The following SPDEF variants were observed in gnomAD, a reference collection of about 807,000 sequenced individuals.
SPDEF encodes SAM pointed domain containing ETS transcription factor.
In SPDEF, 12 loss-of-function variants were observed where a neutral mutation model predicts 36.0. That is an observed-to-expected ratio of 0.33 (90% CI 0.21 to 0.54). The LOEUF (loss-of-function observed/expected upper bound fraction) is 0.54. SPDEF is among the 20% of genes least tolerant of loss of function. SPDEF has a pLI of 0.93. For missense variants in SPDEF, 388 were observed against 456.9 expected, an observed-to-expected ratio of 0.85 and a Z score of 1.37; for synonymous variants, 205 against 193.0, an observed-to-expected ratio of 1.06 and a Z score of -0.51.
chr6:34,544,457 C>A lies in SPDEF; in HGVS notation c.-2G>T. The A allele has an allele frequency of 6.5e-7, 1 of 1,536,808 alleles. No homozygotes were observed. The highest frequency in any genetic ancestry group is 8.8e-7 in the Non-Finnish European group (1 of 1,142,800). On this transcript the variant is annotated 5_prime_UTR_variant, in exon 2 of 6. Coordinates refer to ENST00000374037, the MANE Select transcript of SPDEF (RefSeq NM_012391.3). This position sits in a 1 kb window ranked among gnomAD's most constrained non-coding sequence, Gnocchi z 4.4. The stretch of plus-strand genomic sequence containing the variant: ...CAGACCCGGGCTGGCGCTGCCCATG[C>A]CGCTGCTGTTTGGGCTGGCGGCTGT...
intron 1 of SPDEF, among the ~76,000 whole-genome samples, chr6:34,548,293 A>G (rs1350756710): frequency 6.6e-6 from 1 of 152,128 alleles, no homozygotes; most frequent in Non-Finnish European, 1.5e-5. Flanking sequence ...TCTGAGGTGC[A>G]TGCTCTGGCC....
Position 34,537,966 on chromosome 6 carries a change from G to T in SPDEF, c.*308C>A. ...TGCCTGTGGCCTTTGTCGAGTCACT[G>T]CCCTTCTGTAGGCTCTGCTCTGGAA... On this transcript the variant is annotated 3_prime_UTR_variant, in exon 6 of 6. Coordinates refer to ENST00000374037, the MANE Select transcript of SPDEF (RefSeq NM_012391.3). 1 of 314,472 alleles carries T rather than the reference G, an allele frequency of 3.2e-6. No individual in the cohort carries two copies. Among genetic ancestry groups the T allele is most frequent in the Non-Finnish European group, 6.0e-6 (1 of 167,354 alleles). 19.5% of individuals were successfully genotyped at this position (314,472 alleles called of 1,614,324 possible).
chr6:34,541,475 T>A (rs1315251246), intron 2 of SPDEF, among the ~76,000 whole-genome samples: 1 of 152,140 alleles, frequency 6.6e-6, no homozygotes, highest in Non-Finnish European at 1.5e-5. Context: ...CTCCAGCCTC[T>A]CCAAAGGACC....
At chr6:34,554,342 G>A (rs780382554) in intron 1 of SPDEF, among the ~76,000 whole-genome samples, 8 of 152,114 alleles carry the variant, frequency 5.3e-5, no homozygotes, top group African/African-American at 9.7e-5. Context: ...TCTGAGCATC[G>A]ACTGAGCACC....
chr6:34,542,886 C>CAAAAAAAA (rs758431726), intron 2 of SPDEF, among the ~76,000 whole-genome samples: 2 of 53,560 alleles, frequency 3.7e-5, no homozygotes, highest in African/African-American at 6.5e-5. Flanking sequence ...GAGACCCTGT[C>CAAAAAAAA]AAAAAAAAAA....
At chr6:34,540,464 A>T (rs957407216) in intron 3 of SPDEF, among the ~76,000 whole-genome samples, 4 of 152,042 alleles carry the variant, frequency 2.6e-5, no homozygotes, top group African/African-American at 9.7e-5. Context: ...TCGAGTATTC[A>T]TAGACTTTCC....
intron 2 of SPDEF, among the ~76,000 whole-genome samples, chr6:34,542,029 G>C (rs1384320938): frequency 1.3e-5 from 2 of 152,208 alleles, no homozygotes; most frequent in East Asian, 3.9e-4. Flanking sequence ...ATTTGTTTCT[G>C]TTCCCATTGT....
At chr6:34,541,271 C>A in intron 2 of SPDEF, 90 bp from the exon 3 acceptor site, 1 of 1,316,468 alleles carries the variant, frequency 7.6e-7, no homozygotes, top group Non-Finnish European at 1.0e-6. Context: ...TGGCCTGAGA[C>A]CATGTGCTCT....
In SPDEF at chr6:34,555,265, C is replaced by T. The variant is rs564935977; in HGVS notation, c.-30+664G>A. ...GGCAAATCTTAGAAATGAGCACCTTCGAGGTACTGCTACTGTTGCTTTCCT... is the reference window on the plus strand; with the variant it reads ...GGCAAATCTTAGAAATGAGCACCTTTGAGGTACTGCTACTGTTGCTTTCCT... On this transcript the variant is annotated intron_variant, in intron 1 of 5. Coordinates refer to ENST00000374037, the MANE Select transcript of SPDEF (RefSeq NM_012391.3). This position sits in a 1 kb window ranked among gnomAD's most constrained non-coding sequence, Gnocchi z 5.2. Among the ~76,000 whole-genome samples the T allele has an allele frequency of 2.6e-5, 4 of 152,212 alleles. No homozygotes were observed. The South Asian group carries it at 6.2e-4, about 24-fold the overall frequency.
chr6:34,544,577 G>C lies in SPDEF; in HGVS notation c.-29-93C>G, dbSNP rs1767912136. On this transcript the variant is annotated intron_variant, in intron 1 of 5. Coordinates refer to ENST00000374037, the MANE Select transcript of SPDEF (RefSeq NM_012391.3). This position sits in a 1 kb window ranked among gnomAD's most constrained non-coding sequence, Gnocchi z 4.4. ...ATGGGGATGAGGGGCCCTGTGGACA[G>C]TGGGCTGGGCCTGGGACAGAGTTGG... The C allele has an allele frequency of 1.9e-6, 2 of 1,078,562 alleles. No homozygotes were observed. The highest frequency in any genetic ancestry group is 1.6e-5 in the African/African-American group (1 of 62,550). The allele number at this position is 1,078,562 out of a possible 1,614,324, so 66.8% of individuals were successfully genotyped here. A position where few individuals can be genotyped will look rare whatever the true frequency, so the allele number is the denominator to read the frequency against.
At chr6:34,545,715 GC>G (rs1032608752) in intron 1 of SPDEF, among the ~76,000 whole-genome samples, 6 of 152,170 alleles carry the variant, frequency 3.9e-5, no homozygotes, top group African/African-American at 1.2e-4. Context: ...TTCGAGACCA[GC>G]CTGGCCAACA....
chr6:34,542,637 C>G (rs550784539), intron 2 of SPDEF, among the ~76,000 whole-genome samples: 36 of 152,214 alleles, frequency 2.4e-4, no homozygotes, highest in Non-Finnish European at 4.4e-4. Flanking sequence ...GCCTGTAATC[C>G]CAGCACTTTG....
chr6:34,543,962 C>A lies in SPDEF; in HGVS notation c.436+58G>T, dbSNP rs976344516. 4 of 1,551,796 alleles carry A rather than the reference C, an allele frequency of 2.6e-6. No individual in the cohort carries two copies. The East Asian group carries it at 6.8e-5, about 26-fold the overall frequency. On this transcript the variant is annotated intron_variant, in intron 2 of 5. Coordinates refer to ENST00000374037, the MANE Select transcript of SPDEF (RefSeq NM_012391.3). Reference sequence around the variant, plus strand: ...CCAGCAGTGCCCCGACCCACCCCAGCGACCTCAGCCTTGCCTGTGACCCAT... The same window carrying A: ...CCAGCAGTGCCCCGACCCACCCCAGAGACCTCAGCCTTGCCTGTGACCCAT...
chr6:34,553,377 C>G (rs1255997945), intron 1 of SPDEF, among the ~76,000 whole-genome samples: 1 of 151,036 alleles, frequency 6.6e-6, no homozygotes, highest in Non-Finnish European at 1.5e-5. Context: ...TTCCACCTGA[C>G]AGGCCACTCG....
intron 1 of SPDEF, among the ~76,000 whole-genome samples, chr6:34,550,078 C>T (rs1032695466): frequency 6.6e-6 from 1 of 152,198 alleles, no homozygotes; most frequent in Admixed American, 6.5e-5. Flanking sequence ...GCTACCCAGG[C>T]CTCAGGAAGT....
At chr6:34,542,746 A>C (rs1302149014) in intron 2 of SPDEF, among the ~76,000 whole-genome samples, 15 of 151,894 alleles carry the variant, frequency 9.9e-5, no homozygotes, top group African/African-American at 3.6e-4. Flanking sequence ...AAAAATTAGC[A>C]GGGTGTGGTG....
chr6:34,542,886 CA>C (rs758431726), intron 2 of SPDEF, among the ~76,000 whole-genome samples: 436 of 53,554 alleles, frequency 8.1e-3, no homozygotes, highest in South Asian at 0.017. Flanking sequence ...GAGACCCTGT[CA>C]AAAAAAAAAA....
rs757560677 is a variant in SPDEF at position 34,541,160 on chromosome 6, C to T, written c.458G>A (p.Ser153Asn). 28 of 1,605,466 alleles carry T rather than the reference C, an allele frequency of 1.7e-5. No individual in the cohort carries two copies. The East Asian group carries it at 5.8e-4, about 33-fold the overall frequency. ...ITADPMDWSP[S>N]NVQKWLLWTE... ...CCACAGGAGCCACTTCTGCACATTG[C>T]TGGGGCTCCAGTCCATGGGATCTGG... The change falls in exon 3 of 6, where the codon AGC (serine) becomes AAC (asparagine). Residue 153 changes from serine to asparagine, a missense_variant. By Grantham distance (46) the Ser-to-Asn change is conservative (BLOSUM62 1). Transcript: ENST00000374037.
At chr6:34,551,253 C>G (rs1768055730) in intron 1 of SPDEF, among the ~76,000 whole-genome samples, 1 of 152,200 alleles carries the variant, frequency 6.6e-6, no homozygotes. Flanking sequence ...CAGCAGTTGC[C>G]TTAGTGGGGT....
Sources: allele counts gnomAD v4.1 joint callset (sites outside exome capture counted in the v4.1 genomes callset), GRCh38; gene constraint gnomAD v4.1.1; non-coding constraint Gnocchi (gnomAD v3.1); transcripts MANE v1.5; gene names NCBI Gene and HGNC (gene_info 2026-07-23, HGNC 2026-07-21).